The following SYT1 variants were observed in gnomAD, a reference collection of about 807,000 sequenced individuals.
SYT1 encodes the protein synaptotagmin 1, also known as synaptotagmin-1.
SYT1 carries 8 observed loss-of-function variants against 44.8 expected under a neutral mutation model. The ratio of observed to expected loss-of-function variants is 0.18; its 90% confidence interval spans 0.10 to 0.32. The LOEUF (loss-of-function observed/expected upper bound fraction) is 0.32. Ranked by LOEUF, SYT1 falls within the 10% of genes least tolerant of loss-of-function variation. The pLI is 1.00. For synonymous variants in SYT1, 154 were observed against 188.8 expected (o/e 0.82, Z 1.51); for missense variants, 286 against 509.3 (o/e 0.56, Z 4.22).
intron 3 of SYT1, among the ~76,000 whole-genome samples, chr12:79,164,771 A>G (rs1871141131): frequency 6.6e-6 from 1 of 152,110 alleles, no homozygotes; most frequent in Non-Finnish European, 1.5e-5. Context: ...TAATGAATCA[A>G]GAAATATCCA....
chr12:79,122,266 G>A (rs1038926672), intron 3 of SYT1, among the ~76,000 whole-genome samples: 2 of 151,898 alleles, frequency 1.3e-5, no homozygotes, highest in Non-Finnish European at 2.9e-5. Context: ...TGTAATCCCA[G>A]CACTTTGGGA....
intron 1 of SYT1, among the ~76,000 whole-genome samples, chr12:78,886,113 C>A (rs530002915): frequency 6.6e-6 from 1 of 151,876 alleles, no homozygotes; most frequent in African/African-American, 2.4e-5. Context: ...ACTTTGCCAG[C>A]TAATTTATTA....
At chr12:79,364,240 C>T (rs1053540855) in intron 9 of SYT1, among the ~76,000 whole-genome samples, 41 of 151,882 alleles carry the variant, frequency 2.7e-4, no homozygotes, top group African/African-American at 9.7e-4. Context: ...TCCCCACCCC[C>T]TTTAATGGTT....
At chr12:79,150,304 A>C (rs957427539) in intron 3 of SYT1, among the ~76,000 whole-genome samples, 8 of 152,204 alleles carry the variant, frequency 5.3e-5, no homozygotes, top group African/African-American at 1.9e-4. Flanking sequence ...TTGCAACAAC[A>C]TGAATGAACC....
At chr12:79,055,016 A>G (rs1272413778) in intron 3 of SYT1, among the ~76,000 whole-genome samples, 1 of 151,976 alleles carries the variant, frequency 6.6e-6, no homozygotes, top group Non-Finnish European at 1.5e-5. Flanking sequence ...ATTATAGCAT[A>G]GTACTGGCTT....
chr12:79,046,820 A>G (rs1009184657), intron 2 of SYT1, among the ~76,000 whole-genome samples: 4 of 152,014 alleles, frequency 2.6e-5, no homozygotes, highest in South Asian at 2.1e-4. Context: ...GCAAATATGT[A>G]TAACATATTG....
chr12:79,180,535 T>G (rs1006556374), intron 3 of SYT1, among the ~76,000 whole-genome samples: 1 of 152,098 alleles, frequency 6.6e-6, no homozygotes, highest in Middle Eastern at 3.4e-3. Context: ...GCTGTACAGA[T>G]AGCATAATGC....
rs117252134 is a variant in SYT1, at chr12:79,450,550, A to T, written c.*1426A>T. The T allele has an allele frequency of 8.4e-3, 1,290 of 152,670 alleles. 56 individuals carry two copies. Among genetic ancestry groups the T allele is most frequent in the East Asian group, 0.027 (142 of 5,168 alleles). The allele number at this position is 152,670 out of a possible 1,614,324, so 9.5% of individuals were successfully genotyped here. On this transcript the variant is annotated 3_prime_UTR_variant, in exon 11 of 11. Coordinates refer to ENST00000261205, the MANE Select transcript of SYT1 (RefSeq NM_005639.3). ...CTATTATGAAGCTACTAGTCATTCCATAAGAGTCTTAAAGGACTGCTCTGT... is the reference window on the plus strand; with the variant it reads ...CTATTATGAAGCTACTAGTCATTCCTTAAGAGTCTTAAAGGACTGCTCTGT...
intron 1 of SYT1, among the ~76,000 whole-genome samples, chr12:78,924,120 G>A (rs957802312): frequency 6.6e-6 from 1 of 151,806 alleles, no homozygotes; most frequent in African/African-American, 2.4e-5. Context: ...TTTATTCTAT[G>A]CACTTTTGGT....
At chr12:79,267,616 C>T (rs749659459) in intron 4 of SYT1, among the ~76,000 whole-genome samples, 35 of 152,280 alleles carry the variant, frequency 2.3e-4, no homozygotes, top group Non-Finnish European at 4.6e-4. Context: ...GAATGGATTT[C>T]CCTTTAACCA....
At chr12:79,298,105 C>A (rs1370281039) in intron 7 of SYT1, among the ~76,000 whole-genome samples, 4 of 152,120 alleles carry the variant, frequency 2.6e-5, no homozygotes, top group African/African-American at 9.7e-5. Context: ...GGTACAAGGT[C>A]TGTCTGACCC....
chr12:78,871,265 A>T (rs1009712910), intron 1 of SYT1, among the ~76,000 whole-genome samples: 12 of 152,024 alleles, frequency 7.9e-5, no homozygotes. Context: ...TTTAGGATAG[A>T]TTATTAATAA....
chr12:79,018,857 G>T (rs1349472641), intron 2 of SYT1, among the ~76,000 whole-genome samples: 1 of 152,026 alleles, frequency 6.6e-6, no homozygotes, highest in East Asian at 1.9e-4. Context: ...GTATGAATCA[G>T]TTGGATTCTC....
chr12:79,242,385 G>C (rs1382238908), intron 4 of SYT1, among the ~76,000 whole-genome samples: 1 of 152,160 alleles, frequency 6.6e-6, no homozygotes, highest in African/African-American at 2.4e-5. Flanking sequence ...TTTGGATTGT[G>C]TGAGGACAAG....
In SYT1 at chr12:78,961,091, T is replaced by G. The variant is rs539267430; in HGVS notation, c.-216-16708T>G. The stretch of plus-strand genomic sequence containing the variant: ...TTGCTGTTTCCTTAAGTTTGCTACT[T>G]CAAGCTTTATTTTTTTTAAGAAATT... On this transcript the variant is annotated intron_variant, in intron 1 of 10. Coordinates refer to ENST00000261205, the MANE Select transcript of SYT1 (RefSeq NM_005639.3). Among the ~76,000 whole-genome samples the G allele has an allele frequency of 1.3e-3, 199 of 152,218 alleles. 1 individual carries two copies. The highest frequency in any genetic ancestry group is 0.01 in the Middle Eastern group (3 of 294).
Position 79,066,502 on chromosome 12 carries a change from C to A in SYT1, c.-18+19140C>A, listed in dbSNP as rs72615647. 5.0e-3 allele frequency among the ~76,000 whole-genome samples: 514 copies of A among 103,126 alleles called. 16 individuals carry two copies. The East Asian group carries it at 0.11, about 21-fold the overall frequency. The allele number at this position is 103,126 out of a possible 152,430, so 67.7% of individuals were successfully genotyped here. ...TGAAAAAAAAAATTAAAAAAAAAAA[C>A]AACTCAGTGACATGGAGGCCATATC... On this transcript the variant is annotated intron_variant, in intron 3 of 10. Transcript: ENST00000261205.
intron 3 of SYT1, among the ~76,000 whole-genome samples, chr12:79,156,480 G>C (rs1052019649): frequency 2.0e-5 from 3 of 151,898 alleles, no homozygotes; most frequent in African/African-American, 7.3e-5. Flanking sequence ...TCTTGTTGTT[G>C]TTGTTGTTAT....
At chr12:78,907,675 A>G (rs1009421319) in intron 1 of SYT1, among the ~76,000 whole-genome samples, 23 of 152,046 alleles carry the variant, frequency 1.5e-4, no homozygotes, top group African/African-American at 5.1e-4. Context: ...AAACCAAAAT[A>G]TAAAATGCCA....
chr12:79,209,693 G>A lies in SYT1; in HGVS notation c.-17-7810G>A, dbSNP rs117779419. Among the ~76,000 whole-genome samples, 453 of 152,300 alleles carry A rather than the reference G, an allele frequency of 3.0e-3. 2 individuals are homozygous for A. Among genetic ancestry groups the A allele is most frequent in the Middle Eastern group, 0.017 (5 of 294 alleles). On this transcript the variant is annotated intron_variant, in intron 3 of 10. Transcript: ENST00000261205. ...GCAGCACTGCCTGAAGCTGGGGGAA[G>A]AGGCTGAAATCCTTATTCTTGAAAG...
Sources: gnomAD v4.1 joint callset for allele counts (sites outside exome capture counted in the v4.1 genomes callset) on GRCh38, gnomAD v4.1.1 for gene constraint, MANE v1.5 for transcripts, NCBI Gene and HGNC (gene_info 2026-07-23, HGNC 2026-07-21) for gene names.